The following ERCC6L2 variants were observed in gnomAD, a reference collection of about 807,000 sequenced individuals.
ERCC6L2 encodes ERCC excision repair 6 like 2, also known as DNA excision repair protein ERCC-6-like 2.
Under a neutral mutation model 132.0 loss-of-function variants are expected in ERCC6L2, and 77 were observed. That is an observed-to-expected ratio of 0.58 (90% CI 0.49 to 0.71). The LOEUF is 0.71. Ranked by LOEUF, ERCC6L2 falls within the 30% of genes least tolerant of loss-of-function variation. ERCC6L2 has a pLI of 0.00. For synonymous variants in ERCC6L2, 583 were observed against 632.4 expected (o/e 0.92, Z 1.17); for missense variants, 1,542 against 1,837.6 (o/e 0.84, Z 2.94).
intron 19 of ERCC6L2, among the ~76,000 whole-genome samples, chr9:96,037,762 T>G (rs1428634166): frequency 6.6e-6 from 1 of 151,460 alleles, no homozygotes; most frequent in Non-Finnish European, 1.5e-5. Context: ...CACAGAGAGA[T>G]CAACAACATT....
At chr9:96,009,140 G>C (rs1588052600) in intron 18 of ERCC6L2, among the ~76,000 whole-genome samples, 1 of 152,238 alleles carries the variant, frequency 6.6e-6, no homozygotes, top group East Asian at 1.9e-4. Context: ...TGTGGTCGGG[G>C]AGTTTGCTTT....
At chr9:95,903,229 C>T (rs1353182910) in intron 3 of ERCC6L2, among the ~76,000 whole-genome samples, 1 of 151,960 alleles carries the variant, frequency 6.6e-6, no homozygotes, top group Non-Finnish European at 1.5e-5. Flanking sequence ...CCTGCTTTTC[C>T]ACAGTGATTT....
chr9:95,943,454 A>ACTCCAC (rs1267917601), intron 12 of ERCC6L2, among the ~76,000 whole-genome samples: 7 of 152,088 alleles, frequency 4.6e-5, no homozygotes, highest in African/African-American at 1.7e-4. Flanking sequence ...AGATGCTCAA[A>ACTCCAC]CTCCACCCTG....
At chr9:95,955,848 CA>C in intron 12 of ERCC6L2, 65 bp from the exon 13 acceptor site, 1 of 790,284 alleles carries the variant, frequency 1.3e-6, no homozygotes, top group Non-Finnish European at 2.0e-6. Context: ...TTTATGTCCC[CA>C]AGTTACCTCT....
Position 96,033,165 on chromosome 9 carries a change from G to A in ERCC6L2, c.*1504-5711G>A, listed in dbSNP as rs114014475. ...ATGAACCACAAGAAATTTTCCATTA[G>A]GATTTAGGCCCAGTCATTGTTTCCA... On this transcript the variant is annotated intron_variant and NMD_transcript_variant, in intron 19 of 20. Transcript: ENST00000670016. Among the ~76,000 whole-genome samples, 950 of 152,150 alleles carry A rather than the reference G, an allele frequency of 6.2e-3. 4 individuals are homozygous for A. The highest frequency in any genetic ancestry group is 0.017 in the African/African-American group (706 of 41,498).
In ERCC6L2 at chr9:95,875,887, C is replaced by T; in HGVS notation, c.-152C>T. On this transcript the variant is annotated 5_prime_UTR_variant, in exon 1 of 19. Transcript: ENST00000653738. ...TACCTTTGCTGGGATCCCCCTCCTC[C>T]ATCCTGTGGCTTCGGGTTGCCGAAG... The T allele has an allele frequency of 6.7e-6, 5 of 746,970 alleles. No homozygotes were observed. The Admixed American group carries it at 7.0e-5, about 10-fold the overall frequency. 46.3% of individuals were successfully genotyped at this position (746,970 alleles called of 1,614,324 possible).
At chr9:96,027,378 C>G (rs1265901897) in intron 19 of ERCC6L2, among the ~76,000 whole-genome samples, 1 of 152,200 alleles carries the variant, frequency 6.6e-6, no homozygotes, top group African/African-American at 2.4e-5. Flanking sequence ...AGGGAGAGCC[C>G]AGGCCCCGCG....
At chr9:95,877,607 G>A (rs996230972) in intron 1 of ERCC6L2, among the ~76,000 whole-genome samples, 3 of 151,846 alleles carry the variant, frequency 2.0e-5, no homozygotes, top group Admixed American at 2.0e-4. Context: ...ATAGTTTGAG[G>A]CCAGCCTGGA....
intron 3 of ERCC6L2, chr9:95,905,224 T>C (rs1828973140): frequency 6.6e-6 from 1 of 152,214 alleles, no homozygotes; most frequent in African/African-American, 2.4e-5. Flanking sequence ...TTGTAGGAAA[T>C]GCTAAGTTCT....
At chr9:95,990,428 G>C (rs572333865) in intron 17 of ERCC6L2, among the ~76,000 whole-genome samples, 11 of 152,186 alleles carry the variant, frequency 7.2e-5, no homozygotes, top group South Asian at 4.1e-4. Context: ...AGACTCGGAG[G>C]GGGGGTCCAT....
chr9:95,889,493 ATCTTTAAT>A (rs1828048462), intron 2 of ERCC6L2, among the ~76,000 whole-genome samples: 1 of 151,952 alleles, frequency 6.6e-6, no homozygotes. Flanking sequence ...GCATGTGTGT[ATCTTTAAT>A]TCTTTAATTA....
chr9:95,963,685 T>C (rs1832020068), intron 13 of ERCC6L2, among the ~76,000 whole-genome samples: 1 of 152,130 alleles, frequency 6.6e-6, no homozygotes. Flanking sequence ...CATTTACTTG[T>C]GTCTCTTCAG....
intron 18 of ERCC6L2, among the ~76,000 whole-genome samples, chr9:96,006,437 C>T (rs1833865074): frequency 6.6e-6 from 1 of 152,242 alleles, no homozygotes; most frequent in South Asian, 2.1e-4. Context: ...GCCTGGGAAG[C>T]AGTGCTCAGG....
chr9:95,922,274 C>T (rs1266488101), intron 7 of ERCC6L2, 31 bp from the exon 8 acceptor site: 1 of 1,215,976 alleles, frequency 8.2e-7, no homozygotes, highest in Non-Finnish European at 1.2e-6. Flanking sequence ...TATGCTGGTC[C>T]TTTTTATTTT....
intron 4 of ERCC6L2, among the ~76,000 whole-genome samples, chr9:95,908,943 A>G (rs1829212704): frequency 6.6e-6 from 1 of 152,176 alleles, no homozygotes; most frequent in African/African-American, 2.4e-5. Context: ...AGTTGTCTCA[A>G]ATTTTATGAG....
At chr9:95,921,111 AT>A (rs1829846978) in intron 6 of ERCC6L2, 63 bp from the exon 7 acceptor site, 1 of 1,423,616 alleles carries the variant, frequency 7.0e-7, no homozygotes, top group Non-Finnish European at 9.6e-7. Context: ...TCAGATGTAG[AT>A]TATGATTTTT....
intron 10 of ERCC6L2, among the ~76,000 whole-genome samples, chr9:95,928,500 G>GA (rs1427633239): frequency 6.6e-6 from 1 of 152,138 alleles, no homozygotes; most frequent in Non-Finnish European, 1.5e-5. Flanking sequence ...TGAAAAGATT[G>GA]ATTTTTAAAA....
intron 18 of ERCC6L2, among the ~76,000 whole-genome samples, chr9:96,007,702 ACT>A (rs1283396179): frequency 6.6e-6 from 1 of 151,720 alleles, no homozygotes; most frequent in African/African-American, 2.4e-5. Flanking sequence ...GACTCGGGGG[ACT>A]CTTGGTTCCA....
At chr9:95,942,916 C>T (rs1014230228) in intron 12 of ERCC6L2, among the ~76,000 whole-genome samples, 1 of 152,052 alleles carries the variant, frequency 6.6e-6, no homozygotes, top group African/African-American at 2.4e-5. Flanking sequence ...TTTATAAAAA[C>T]TGCAACAAAA....
Sources: gnomAD v4.1 joint callset for allele counts (sites outside exome capture counted in the v4.1 genomes callset) on GRCh38, gnomAD v4.1.1 for gene constraint, MANE v1.5 for transcripts, NCBI Gene and HGNC (gene_info 2026-07-23, HGNC 2026-07-21) for gene names.